KLHL22: variants seen among roughly 807,000 people sequenced by gnomAD.
KLHL22 encodes the protein kelch like family member 22.
KLHL22 carries 18 observed loss-of-function variants against 60.7 expected under a neutral mutation model. The observed-to-expected ratio is 0.30, with a 90% CI of 0.20 to 0.44. The LOEUF is 0.44. Ranked by LOEUF, KLHL22 falls within the 20% of genes least tolerant of loss-of-function variation. KLHL22 has a pLI of 1.00. For missense variants in KLHL22, 596 were observed against 852.3 expected (o/e 0.70, Z 3.74); for synonymous variants, 355 against 354.5 (o/e 1.00, Z -0.01).
Position 20,494,680 on chromosome 22 carries a change from G to C in KLHL22, c.-34+1080C>G, listed in dbSNP as rs557087910. 2.0e-5 allele frequency among the ~76,000 whole-genome samples: 3 copies of C among 152,064 alleles called. No individual in the cohort carries two copies. The South Asian group carries it at 6.2e-4, about 32-fold the overall frequency. On this transcript the variant is annotated intron_variant, in intron 1 of 6. Transcript: ENST00000328879. The stretch of plus-strand genomic sequence containing the variant: ...GCATGAGCCACCGCGCCCGCCCCCA[G>C]TCTCATATCCCCAATTTTAGTCATC...
intron 2 of KLHL22, chr22:20,488,543 G>A (rs1026485505): frequency 1.1e-4 from 20 of 186,550 alleles, no homozygotes; most frequent in Non-Finnish European, 4.5e-5. Context: ...ATGGGGTCAC[G>A]AAGGAGGCCA....
chr22:20,453,855 C>T (rs868714023), intron 5 of KLHL22, among the ~76,000 whole-genome samples: 8 of 152,094 alleles, frequency 5.3e-5, no homozygotes, highest in Non-Finnish European at 5.9e-5. Flanking sequence ...GTGCCTCAGC[C>T]TCCCCAGTAG....
chr22:20,463,239 G>A (rs570406725), intron 4 of KLHL22, among the ~76,000 whole-genome samples: 1 of 152,284 alleles, frequency 6.6e-6, no homozygotes, highest in South Asian at 2.1e-4. Flanking sequence ...TTGCCATTGT[G>A]ATCCTACTCT....
At chr22:20,476,603 C>CG (rs1186069573) in intron 2 of KLHL22, among the ~76,000 whole-genome samples, 3 of 150,692 alleles carry the variant, frequency 2.0e-5, no homozygotes, top group Non-Finnish European at 3.0e-5. Context: ...TTAGTAGAGA[C>CG]GGGGTTTCAC....
chr22:20,442,162 G>T lies in KLHL22; in HGVS notation c.1816C>A (p.Pro606Thr). Residue 606 changes from proline (P) to threonine (T), a missense_variant, in exon 7 of 7, where the codon CCT becomes ACT. Pro to Thr is a conservative substitution (Grantham distance 38). Transcript: ENST00000328879. Reference protein sequence around the residue: ...SLLLEPPRGTPDRSQADPDFA... With the variant: ...SLLLEPPRGTTDRSQADPDFA... ...TCCGGGTCGGCCTGGCTGCGGTCAG[G>T]GGTCCCGCGGGGCGGCTCAAGGAGC... 1 of 1,550,876 alleles carries T rather than the reference G, an allele frequency of 6.4e-7. No individual in the cohort carries two copies. The highest frequency in any genetic ancestry group is 8.7e-7 in the Non-Finnish European group (1 of 1,147,274).
Position 20,442,272 on chromosome 22 carries a change from T to C in KLHL22, c.1706A>G (p.Glu569Gly), listed in dbSNP as rs2052771990. 6.2e-7 allele frequency: 1 copy of C among 1,613,786 alleles called. No individual in the cohort carries two copies. Among genetic ancestry groups the C allele is most frequent in the African/African-American group, 1.3e-5 (1 of 74,940 alleles). ...GGGCCCTTCCTCCCAGCAGTCCTTC[T>C]CCACATCGTAAATGTGCACGTAGCC... Reference protein sequence around the residue: ...RTGYVHIYDVEKDCWEEGPQL... With the variant: ...RTGYVHIYDVGKDCWEEGPQL... Residue 569 changes from glutamate (E) to glycine (G), a missense_variant, in exon 7 of 7, where the codon GAG (glutamate) becomes GGG (glycine). Transcript: ENST00000328879.
chr22:20,459,445 T>C (rs1341558812), intron 4 of KLHL22, among the ~76,000 whole-genome samples: 1 of 152,206 alleles, frequency 6.6e-6, no homozygotes, highest in Non-Finnish European at 1.5e-5. Context: ...GGCTCTTCCC[T>C]GTCTAGCTGG....
intron 5 of KLHL22, among the ~76,000 whole-genome samples, chr22:20,451,986 G>A (rs1337581699): frequency 2.0e-5 from 3 of 151,958 alleles, no homozygotes; most frequent in African/African-American, 7.3e-5. Context: ...ACTCCCCCTC[G>A]TCCTGGTTGT....
chr22:20,494,080 C>CA (rs1555915707), intron 1 of KLHL22, among the ~76,000 whole-genome samples: 4 of 114,902 alleles, frequency 3.5e-5, no homozygotes, highest in Admixed American at 8.8e-5. Context: ...CTTTGCCCCC[C>CA]CCCCAAAAAA....
At chr22:20,471,789 A>C (rs2053331359) in intron 2 of KLHL22, among the ~76,000 whole-genome samples, 1 of 152,214 alleles carries the variant, frequency 6.6e-6, no homozygotes, top group African/African-American at 2.4e-5. Context: ...TGAGGCCACA[A>C]GCAGCTTGCT....
intron 5 of KLHL22, among the ~76,000 whole-genome samples, chr22:20,455,887 A>G (rs913627842): frequency 2.0e-5 from 3 of 152,238 alleles, no homozygotes; most frequent in African/African-American, 7.2e-5. Flanking sequence ...ATGAATAATC[A>G]TGTAAGCCTC....
intron 2 of KLHL22, among the ~76,000 whole-genome samples, chr22:20,476,404 GATT>G (rs1252997439): frequency 1.8e-5 from 2 of 112,800 alleles, no homozygotes; most frequent in African/African-American, 6.4e-5. Context: ...GATTGACACA[GATT>G]TTTTTTTTTT....
chr22:20,492,526 C>G (rs978472668), intron 1 of KLHL22, among the ~76,000 whole-genome samples: 2 of 152,136 alleles, frequency 1.3e-5, no homozygotes, highest in African/African-American at 2.4e-5. Flanking sequence ...CAAGGTCTAG[C>G]TCGATTACTT....
chr22:20,492,690 A>T (rs1426160885), intron 1 of KLHL22, among the ~76,000 whole-genome samples: 1 of 151,786 alleles, frequency 6.6e-6, no homozygotes, highest in African/African-American at 2.4e-5. Flanking sequence ...CTCAGGTTCA[A>T]GTGATTCTCC....
At position 20,465,203 on chromosome 22, in the gene KLHL22, C is replaced by T. The variant is rs138560799; in HGVS notation, c.767G>A (p.Arg256Gln). 30 of 1,613,814 alleles carry T rather than the reference C, an allele frequency of 1.9e-5. No homozygotes were observed. The highest frequency in any genetic ancestry group is 6.7e-5 in the East Asian group (3 of 44,884). Residue 256 changes from arginine to glutamine, a missense_variant, in exon 4 of 7, where the codon CGG (arginine) becomes CAG (glutamine). Coordinates refer to ENST00000328879, the MANE Select transcript of KLHL22 (RefSeq NM_032775.4). This position sits in a 1 kb window ranked among gnomAD's most constrained non-coding sequence, Gnocchi z 4.9. ...GCTGGGGTCCAGCTTGTCATGCAGCCGCTGCAGGACCTCAGCTTCCATCAG... is the reference window on the plus strand; with the variant it reads ...GCTGGGGTCCAGCTTGTCATGCAGCTGCTGCAGGACCTCAGCTTCCATCAG... ...FPLMEAEVLQ[R>Q]LHDKLDPSPL...
chr22:20,472,116 G>C (rs1323688709), intron 2 of KLHL22, among the ~76,000 whole-genome samples: 1 of 151,860 alleles, frequency 6.6e-6, no homozygotes, highest in Non-Finnish European at 1.5e-5. Context: ...GCATGATGTT[G>C]TGCATCTGTA....
chr22:20,451,107 G>C, intron 5 of KLHL22: 1 of 1,484,988 alleles, frequency 6.7e-7, no homozygotes, highest in South Asian at 1.1e-5. Context: ...TACATGACCA[G>C]ATCTACGTCA....
intron 2 of KLHL22, among the ~76,000 whole-genome samples, chr22:20,476,727 T>G (rs908063313): frequency 3.6e-5 from 5 of 138,220 alleles, no homozygotes; most frequent in Admixed American, 1.4e-4. Flanking sequence ...TTTTTTTTTG[T>G]GACAGAGTCT....
intron 1 of KLHL22, among the ~76,000 whole-genome samples, chr22:20,494,746 T>C (rs2053743460): frequency 6.6e-6 from 1 of 152,086 alleles, no homozygotes; most frequent in Non-Finnish European, 1.5e-5. Flanking sequence ...GAAGTTTCAG[T>C]GGGGAGAAGA....
Sources: allele counts gnomAD v4.1 joint callset (sites outside exome capture counted in the v4.1 genomes callset), GRCh38; gene constraint gnomAD v4.1.1; non-coding constraint Gnocchi (gnomAD v3.1); transcripts MANE v1.5; gene names NCBI Gene and HGNC (gene_info 2026-07-23, HGNC 2026-07-21).